Variants in MCC observed in about 807,000 individuals in gnomAD.
MCC encodes MCC regulator of Wnt signaling pathway.
In MCC, 90 loss-of-function variants were observed where a neutral mutation model predicts 116.2. The ratio of observed to expected loss-of-function variants is 0.77; its 90% CI spans 0.65 to 0.92. The LOEUF (loss-of-function observed/expected upper bound fraction) is 0.92. Ranked by LOEUF, MCC falls within the 40% of genes least tolerant of loss-of-function variation. The pLI, the probability that MCC is intolerant of heterozygous loss-of-function variation, is 0.00. For missense variants in MCC, 1,516 were observed against 1,312.2 expected, an observed-to-expected ratio of 1.16 and a Z score of -2.40; for synonymous variants, 578 against 510.5, an observed-to-expected ratio of 1.13 and a Z score of -1.78.
intron 6 of MCC, among the ~76,000 whole-genome samples, chr5:113,116,082 T>C (rs1757376681): frequency 6.6e-6 from 1 of 152,132 alleles, no homozygotes; most frequent in Non-Finnish European, 1.5e-5. Context: ...GGCCCTTTCT[T>C]AGTGCCTGGG....
intron 1 of MCC, among the ~76,000 whole-genome samples, chr5:113,450,526 G>A (rs770292736): frequency 3.3e-5 from 5 of 152,142 alleles, no homozygotes; most frequent in Admixed American, 3.3e-4. Flanking sequence ...ATTTTGGCCA[G>A]GACCATTTGC....
Position 113,434,533 on chromosome 5 carries a change from T to C in MCC, c.171-49321A>G. On this transcript the variant is annotated intron_variant, in intron 1 of 18. Coordinates refer to ENST00000408903, the MANE Select transcript of MCC (RefSeq NM_001085377.2). This position sits in a 1 kb window ranked among gnomAD's most constrained non-coding sequence, Gnocchi z 4.2. ...TCCTCATGCAGGGCTCCCCGGGTTT[T>C]GATTAACTCGAGGAGGTCGCCCTGG... The C allele has an allele frequency of 6.2e-7, 1 of 1,612,622 alleles. No individual in the cohort carries two copies. The highest frequency in any genetic ancestry group is 8.5e-7 in the Non-Finnish European group (1 of 1,178,848).
chr5:113,199,297 T>C (rs1384668635), intron 3 of MCC, among the ~76,000 whole-genome samples: 1 of 152,074 alleles, frequency 6.6e-6, no homozygotes, highest in African/African-American at 2.4e-5. Flanking sequence ...GTAAATAATA[T>C]ATAAAACCAC....
At position 113,029,007 on chromosome 5, in the gene MCC, T is replaced by G. The variant is rs1223493394; in HGVS notation, c.2806A>C (p.Arg936=). The part of the protein sequence containing the change: ...RVQELVSALE[R]LTKSSEIRHQ... ...CGGATTTCACTGCTCTTGGTGAGTC[T>G]CTCCAAGGCACTCACCAGCTCTTGA... The change falls in exon 18 of 19, where the codon AGA becomes CGA. Residue 936 remains arginine, a synonymous_variant. Coordinates refer to ENST00000408903, the MANE Select transcript of MCC (RefSeq NM_001085377.2). 2 of 1,613,752 alleles carry G rather than the reference T, an allele frequency of 1.2e-6. No individual in the cohort carries two copies. The highest frequency in any genetic ancestry group is 2.2e-5 in the South Asian group (2 of 91,030).
chr5:113,057,266 G>A lies in MCC; in HGVS notation c.2214-3307C>T, dbSNP rs1752897475. Among the ~76,000 whole-genome samples, 5 of 152,230 alleles carry A rather than the reference G, an allele frequency of 3.3e-5. No individual in the cohort carries two copies. The South Asian group carries it at 1.0e-3, about 32-fold the overall frequency. On this transcript the variant is annotated intron_variant, in intron 14 of 18. Transcript: ENST00000408903. ...AGGATTAGGATGGAGGCCATTGGGG[G>A]TTTTAACAGGGAGGGATGTGGTCTG... is the stretch of plus-strand genomic sequence containing the variant.
intron 14 of MCC, among the ~76,000 whole-genome samples, chr5:113,062,908 C>T (rs1385018501): frequency 6.6e-6 from 1 of 152,176 alleles, no homozygotes; most frequent in African/African-American, 2.4e-5. Context: ...AAGAAAGCAT[C>T]AGTATTTCTC....
At chr5:113,354,782 G>GTATTATTATTATTATTAT (rs753455923) in intron 2 of MCC, among the ~76,000 whole-genome samples, 180 of 70,832 alleles carry the variant, frequency 2.5e-3, no homozygotes, top group African/African-American at 0.013. Context: ...CATATACCCT[G>GTATTATTATTATTATTAT]TATTATTATT....
At chr5:113,198,697 C>A (rs1483833702) in intron 3 of MCC, among the ~76,000 whole-genome samples, 1 of 141,088 alleles carries the variant, frequency 7.1e-6, no homozygotes, top group African/African-American at 2.8e-5. Flanking sequence ...CACAGCAACA[C>A]CCCCACCTCA....
chr5:113,429,317 GGGCACAGGGAGAA>G (rs1770565009), intron 1 of MCC, among the ~76,000 whole-genome samples: 1 of 152,098 alleles, frequency 6.6e-6, no homozygotes, highest in African/African-American at 2.4e-5. Flanking sequence ...TGCCATGTGA[GGGCACAGGGAGAA>G]GGTGGGTGTC....
intron 2 of MCC, among the ~76,000 whole-genome samples, chr5:113,372,653 A>C (rs1296052233): frequency 6.6e-6 from 1 of 152,224 alleles, no homozygotes; most frequent in African/African-American, 2.4e-5. Flanking sequence ...CTAAGAATGA[A>C]TGTATGAATG....
intron 1 of MCC, among the ~76,000 whole-genome samples, chr5:113,389,311 T>C (rs974386072): frequency 1.3e-5 from 2 of 152,188 alleles, no homozygotes; most frequent in African/African-American, 2.4e-5. Flanking sequence ...ATTCCTCCCA[T>C]CAATAGGTGG....
At chr5:113,080,243 G>A (rs1216859297) in intron 11 of MCC, among the ~76,000 whole-genome samples, 1 of 152,242 alleles carries the variant, frequency 6.6e-6, no homozygotes, top group African/African-American at 2.4e-5. Flanking sequence ...AAGACAGTGT[G>A]GTGATTCCTC....
chr5:113,453,750 T>C (rs1312696898), intron 1 of MCC, among the ~76,000 whole-genome samples: 1 of 152,324 alleles, frequency 6.6e-6, no homozygotes, highest in East Asian at 1.9e-4. Context: ...AAATCCTGTT[T>C]GGTATTTAGT....
At position 113,028,925 on chromosome 5, in the gene MCC, G is replaced by A. The variant is rs1750762386; in HGVS notation, c.2879+9C>T. 1.2e-6 allele frequency: 2 copies of A among 1,612,982 alleles called. No homozygotes were observed. Among genetic ancestry groups the A allele is most frequent in the African/African-American group, 1.3e-5 (1 of 74,996 alleles). On this transcript the variant is annotated intron_variant, in intron 18 of 18. Coordinates refer to ENST00000408903, the MANE Select transcript of MCC (RefSeq NM_001085377.2). The stretch of plus-strand genomic sequence containing the variant: ...GGGCGGTGGGGGCTGGGTATAGGGA[G>A]ATTTTTACCTGTTGGCCCGCTTTAG...
In MCC at chr5:113,326,077, T is replaced by C. The variant is rs1767543443; in HGVS notation, c.627+14442A>G. On this transcript the variant is annotated intron_variant, in intron 3 of 18. Coordinates refer to ENST00000408903, the MANE Select transcript of MCC (RefSeq NM_001085377.2). ...AGATGTTTTGTCTAGATTAAAGCCA[T>C]TAATATGCACAGGTATGAAAAATGT... Among the ~76,000 whole-genome samples the C allele has an allele frequency of 2.0e-5, 3 of 152,200 alleles. No homozygotes were observed. The South Asian group carries it at 6.2e-4, about 31-fold the overall frequency.
rs1238080489 is a variant in MCC, at chr5:113,122,762, C to T, written c.949G>A (p.Asp317Asn). 2.5e-6 allele frequency: 4 copies of T among 1,614,072 alleles called. No individual in the cohort carries two copies. The highest frequency in any genetic ancestry group is 1.7e-5 in the Admixed American group (1 of 60,022). The change falls in exon 6 of 19, where the codon GAC becomes AAC. Residue 317 changes from aspartate to asparagine, a missense_variant. Asp to Asn is a conservative substitution (Grantham distance 23, BLOSUM62 1). Coordinates refer to ENST00000408903, the MANE Select transcript of MCC (RefSeq NM_001085377.2). Reference protein sequence around the residue: ...LSQSQHEVNEDSRSMDQDQTS... With the variant: ...LSQSQHEVNENSRSMDQDQTS... ...TGGTCTTGGTCCATGCTTCGAGAGTCCTCGTTGACCTCGTGTTGGCTCTGG... is the reference window on the plus strand; with the variant it reads ...TGGTCTTGGTCCATGCTTCGAGAGTTCTCGTTGACCTCGTGTTGGCTCTGG...
At chr5:113,043,228 C>A (rs1040953924) in intron 17 of MCC, among the ~76,000 whole-genome samples, 1 of 152,218 alleles carries the variant, frequency 6.6e-6, no homozygotes, top group Non-Finnish European at 1.5e-5. Flanking sequence ...TTTCACCTCA[C>A]TAGTTAACAC....
chr5:113,472,009 G>A (rs1772106561), intron 1 of MCC, among the ~76,000 whole-genome samples: 1 of 152,116 alleles, frequency 6.6e-6, no homozygotes, highest in African/African-American at 2.4e-5. Flanking sequence ...AAGCCCGTTG[G>A]AAAAGTGCAG....
At chr5:113,166,705 T>TAA (rs1210505602) in intron 3 of MCC, among the ~76,000 whole-genome samples, 3,224 of 122,450 alleles carry the variant, frequency 0.026, 135 homozygotes, top group African/African-American at 0.083. Flanking sequence ...ATCATTTATT[T>TAA]AAAAAAAAAA....
Sources: gnomAD v4.1 joint callset for allele counts (sites outside exome capture counted in the v4.1 genomes callset) on GRCh38, gnomAD v4.1.1 for gene constraint, Gnocchi (gnomAD v3.1) non-coding constraint, MANE v1.5 for transcripts, NCBI Gene and HGNC (gene_info 2026-07-23, HGNC 2026-07-21) for gene names.